The following APP variants were observed in gnomAD, a reference collection of about 807,000 sequenced individuals.
APP encodes amyloid beta precursor protein.
A neutral mutation model predicts 101.4 loss-of-function variants in APP; 31 were observed. The ratio of observed to expected loss-of-function variants is 0.31; its 90% CI spans 0.23 to 0.41. The LOEUF (loss-of-function observed/expected upper bound fraction) is 0.41, where lower values mean the gene tolerates loss of function less well. Ranked by LOEUF, APP falls within the 10% of genes least tolerant of loss-of-function variation. The pLI, the probability that APP is intolerant of heterozygous loss-of-function variation, is 1.00. For synonymous variants in APP, 366 were observed against 364.4 expected (o/e 1.00, Z -0.05); for missense variants, 839 against 1,003.7 (o/e 0.84, Z 2.22).
chr21:26,118,611 G>A (rs544353349), intron 1 of APP, among the ~76,000 whole-genome samples: 42 of 152,264 alleles, frequency 2.8e-4, no homozygotes, highest in Middle Eastern at 3.4e-3. Flanking sequence ...GGAGTGCAGC[G>A]GGGTGATCTC....
At chr21:26,168,455 T>A (rs2146405837) in intron 1 of APP, among the ~76,000 whole-genome samples, 1 of 152,120 alleles carries the variant, frequency 6.6e-6, no homozygotes, top group South Asian at 2.1e-4. Context: ...TTTAAAGGAG[T>A]TAACAATAGC....
chr21:26,059,160 G>A (rs1238313957), intron 3 of APP, among the ~76,000 whole-genome samples: 1 of 152,102 alleles, frequency 6.6e-6, no homozygotes, highest in African/African-American at 2.4e-5. Flanking sequence ...GTGGGGTTGA[G>A]TAGATTAATG....
intron 9 of APP, among the ~76,000 whole-genome samples, chr21:25,979,771 G>C (rs1356356018): frequency 7.3e-6 from 1 of 137,046 alleles, no homozygotes; most frequent in Non-Finnish European, 1.6e-5. Context: ...AAATGAACAA[G>C]ATATACTAGG....
chr21:26,024,000 T>C (rs1008767766), intron 5 of APP, among the ~76,000 whole-genome samples: 5 of 152,164 alleles, frequency 3.3e-5, no homozygotes, highest in African/African-American at 4.8e-5. Flanking sequence ...CAAATTTGGA[T>C]GGCAAAAGAA....
intron 1 of APP, among the ~76,000 whole-genome samples, chr21:26,118,132 G>C (rs984535181): frequency 1.3e-5 from 2 of 152,140 alleles, no homozygotes; most frequent in African/African-American, 2.4e-5. Context: ...CTCATAAGAA[G>C]GCCAGTAAGT....
intron 9 of APP, among the ~76,000 whole-genome samples, chr21:25,979,722 TAACA>T (rs2042353724): frequency 6.6e-6 from 1 of 151,852 alleles, no homozygotes; most frequent in Non-Finnish European, 1.5e-5. Flanking sequence ...CATCTAAAAC[TAACA>T]GAGAATTTGA....
intron 1 of APP, among the ~76,000 whole-genome samples, chr21:26,115,886 A>G (rs1568993303): frequency 6.6e-6 from 1 of 152,238 alleles, no homozygotes; most frequent in East Asian, 1.9e-4. Context: ...TGGGAAATAT[A>G]ACCACTTAAC....
chr21:26,104,378 G>T (rs1427716252), intron 2 of APP, among the ~76,000 whole-genome samples: 1 of 152,062 alleles, frequency 6.6e-6, no homozygotes, highest in African/African-American at 2.4e-5. Flanking sequence ...TGAAAGGCAG[G>T]TATTTGACCA....
chr21:26,053,821 A>G (rs889271848), intron 3 of APP, among the ~76,000 whole-genome samples: 2 of 152,218 alleles, frequency 1.3e-5, no homozygotes, highest in Non-Finnish European at 2.9e-5. Flanking sequence ...AAAAACCCAA[A>G]AGTGTATTTT....
chr21:25,928,342 A>AAAAC (rs61188136), intron 13 of APP, among the ~76,000 whole-genome samples: 107,996 of 148,946 alleles, frequency 0.73, 41,316 homozygotes, highest in Non-Finnish European at 0.87. Flanking sequence ...ACTCCATCTC[A>AAAAC]AAACAAACAA....
At chr21:26,058,192 G>C (rs1472173995) in intron 3 of APP, among the ~76,000 whole-genome samples, 3 of 152,204 alleles carry the variant, frequency 2.0e-5, no homozygotes, top group Non-Finnish European at 4.4e-5. Context: ...CCAAGTTCCA[G>C]ACAGAAGGCA....
intron 1 of APP, among the ~76,000 whole-genome samples, chr21:26,163,244 A>C (rs1189861981): frequency 6.8e-5 from 4 of 58,596 alleles, no homozygotes; most frequent in South Asian, 6.9e-4. Flanking sequence ...AGTCTCAAAA[A>C]AAAAAAAAAA....
chr21:26,063,803 G>A (rs1328624020), intron 3 of APP, among the ~76,000 whole-genome samples: 1 of 152,178 alleles, frequency 6.6e-6, no homozygotes, highest in African/African-American at 2.4e-5. Context: ...CCTTAATTGT[G>A]GGCTGTGCAA....
At chr21:26,024,572 T>C (rs529523060) in intron 5 of APP, among the ~76,000 whole-genome samples, 1 of 152,216 alleles carries the variant, frequency 6.6e-6, no homozygotes, top group South Asian at 2.1e-4. Flanking sequence ...GCTTTCAAAG[T>C]CTAACAGGAC....
At chr21:25,945,805 C>A (rs1005620603) in intron 13 of APP, 2 of 434,242 alleles carry the variant, frequency 4.6e-6, no homozygotes, top group African/African-American at 4.1e-5. Context: ...CCTCCCACCA[C>A]AGCCTCCTGA....
chr21:25,956,859 T>C (rs2041345216), intron 11 of APP, among the ~76,000 whole-genome samples: 1 of 152,214 alleles, frequency 6.6e-6, no homozygotes, highest in South Asian at 2.1e-4. Context: ...GTACCCTTTT[T>C]CTGTGCTCCT....
intron 3 of APP, among the ~76,000 whole-genome samples, chr21:26,082,102 C>G (rs989155705): frequency 3.3e-5 from 5 of 152,042 alleles, no homozygotes; most frequent in African/African-American, 1.2e-4. Context: ...GCCAGTAATC[C>G]CAGCTACTCA....
chr21:26,079,627 C>T (rs187403891), intron 3 of APP, among the ~76,000 whole-genome samples: 8 of 152,316 alleles, frequency 5.3e-5, no homozygotes, highest in African/African-American at 1.4e-4. Context: ...TAAACTATGA[C>T]ACAGCTTCAG....
intron 8 of APP, among the ~76,000 whole-genome samples, chr21:25,997,024 C>T (rs2146664874): frequency 6.6e-6 from 1 of 152,356 alleles, no homozygotes; most frequent in South Asian, 2.1e-4. Context: ...GCTAAGCCTG[C>T]TCTCAGTTAC....
Sources: allele counts gnomAD v4.1 joint callset (sites outside exome capture counted in the v4.1 genomes callset), GRCh38; gene constraint gnomAD v4.1.1; transcripts MANE v1.5; gene names NCBI Gene and HGNC (gene_info 2026-07-23, HGNC 2026-07-21).